Variants in TRAPPC9 observed in about 807,000 individuals in gnomAD.
TRAPPC9 encodes IKK2 binding protein.
TRAPPC9 carries 83 observed loss-of-function variants against 124.0 expected under a neutral mutation model. The ratio of observed to expected loss-of-function variants is 0.67; its 90% CI spans 0.56 to 0.80. The LOEUF (loss-of-function observed/expected upper bound fraction) is 0.80, where lower values mean the gene tolerates loss of function less well. Ranked by LOEUF, TRAPPC9 falls within the 30% of genes least tolerant of loss-of-function variation. The probability of loss-of-function intolerance (pLI) is 0.00; values close to 1 mark genes in which losing one functional copy is unlikely to be tolerated. For missense variants in TRAPPC9, 1,302 were observed against 1,508.3 expected, an observed-to-expected ratio of 0.86 and a Z score of 2.27; for synonymous variants, 638 against 617.5, an observed-to-expected ratio of 1.03 and a Z score of -0.49.
At chr8:140,316,218 T>C (rs181254349) in intron 9 of TRAPPC9, among the ~76,000 whole-genome samples, 2 of 152,276 alleles carry the variant, frequency 1.3e-5, no homozygotes, top group East Asian at 3.9e-4. Context: ...GGGAATTAAC[T>C]ACAGACTGAA....
At chr8:139,946,823 T>TAA (rs200035828) in intron 19 of TRAPPC9, among the ~76,000 whole-genome samples, 3 of 98,706 alleles carry the variant, frequency 3.0e-5, no homozygotes, top group African/African-American at 1.7e-4. Flanking sequence ...TGCTAAAAAT[T>TAA]TAAAAAAAAA....
chr8:140,344,842 G>A (rs759920277), intron 9 of TRAPPC9, among the ~76,000 whole-genome samples: 1 of 152,274 alleles, frequency 6.6e-6, no homozygotes, highest in Non-Finnish European at 1.5e-5. Flanking sequence ...TTCCTGATAC[G>A]TGTCCTGGGA....
chr8:140,144,445 T>C (rs927379338), intron 17 of TRAPPC9, among the ~76,000 whole-genome samples: 4 of 150,186 alleles, frequency 2.7e-5, no homozygotes, highest in South Asian at 2.1e-4. Context: ...TGTTGGCTAA[T>C]GAATGAGACT....
At position 140,192,852 on chromosome 8, in the gene TRAPPC9, A is replaced by G. The variant is rs563958993; in HGVS notation, c.2556+28607T>C. ...GAGTGCAGTGGCACAATCTTGGCTC[A>G]CTGCAACCTCCACCTCCCAGGTACA... On this transcript the variant is annotated intron_variant, in intron 17 of 22. Coordinates refer to ENST00000438773, the MANE Select transcript of TRAPPC9 (RefSeq NM_001160372.4). Among the ~76,000 whole-genome samples the G allele has an allele frequency of 2.6e-5, 4 of 152,286 alleles. No individual in the cohort carries two copies. The South Asian group carries it at 6.2e-4, about 24-fold the overall frequency.
At position 140,355,960 on chromosome 8, in the gene TRAPPC9, G is replaced by A. The variant is rs182471827; in HGVS notation, c.1495+4090C>T. ...TACAACTATCACAATAGGCTTAGAA[G>A]TGAACAAAGCTTAAAAATATAAACA... On this transcript the variant is annotated intron_variant, in intron 9 of 22. Coordinates refer to ENST00000438773, the MANE Select transcript of TRAPPC9 (RefSeq NM_001160372.4). Among the ~76,000 whole-genome samples the A allele has an allele frequency of 4.7e-3, 718 of 152,342 alleles. 15 individuals are homozygous for A. Among genetic ancestry groups the A allele is most frequent in the Non-Finnish European group, 3.1e-3 (211 of 68,030 alleles).
chr8:140,213,201 G>A (rs1044106643), intron 17 of TRAPPC9, among the ~76,000 whole-genome samples: 2 of 151,700 alleles, frequency 1.3e-5, no homozygotes, highest in African/African-American at 4.8e-5. Flanking sequence ...ATATGGGAAG[G>A]TTTTAACAAA....
chr8:140,278,303 G>A (rs1220234696), intron 14 of TRAPPC9, among the ~76,000 whole-genome samples: 2 of 151,994 alleles, frequency 1.3e-5, no homozygotes. Flanking sequence ...ATGGGATTTG[G>A]CCATGTTGGC....
intron 21 of TRAPPC9, among the ~76,000 whole-genome samples, chr8:139,768,379 TG>T (rs1820720336): frequency 6.6e-6 from 1 of 152,160 alleles, no homozygotes; most frequent in African/African-American, 2.4e-5. Context: ...GTCAGGGAAC[TG>T]GGGGCACGGG....
intron 8 of TRAPPC9, among the ~76,000 whole-genome samples, chr8:140,367,595 A>T (rs1209062208): frequency 6.6e-6 from 1 of 152,206 alleles, no homozygotes; most frequent in Non-Finnish European, 1.5e-5. Context: ...ATGAGGAGAC[A>T]GAGCACAAAG....
intron 15 of TRAPPC9, among the ~76,000 whole-genome samples, chr8:140,266,368 C>A (rs1479285162): frequency 2.0e-5 from 3 of 151,316 alleles, no homozygotes; most frequent in Admixed American, 1.3e-4. Flanking sequence ...AACGCTAAGG[C>A]AGGAGAATCG....
intron 5 of TRAPPC9, among the ~76,000 whole-genome samples, chr8:140,415,198 A>G (rs2069873850): frequency 6.7e-6 from 1 of 149,584 alleles, no homozygotes; most frequent in Admixed American, 6.7e-5. Flanking sequence ...AACAGAGTAG[A>G]ACCTTGTCTA....
At chr8:140,269,830 C>T (rs994814478) in intron 15 of TRAPPC9, among the ~76,000 whole-genome samples, 3 of 151,764 alleles carry the variant, frequency 2.0e-5, no homozygotes, top group Admixed American at 1.3e-4. Context: ...CGGGCACGGT[C>T]GCTCGTGCCT....
chr8:139,761,817 G>T (rs963336259), intron 21 of TRAPPC9, among the ~76,000 whole-genome samples: 1 of 151,518 alleles, frequency 6.6e-6, no homozygotes, highest in East Asian at 2.0e-4. Context: ...CACACCCTGC[G>T]TATTTCTCAA....
chr8:140,344,154 T>C (rs4736175), intron 9 of TRAPPC9, among the ~76,000 whole-genome samples: 98,360 of 151,924 alleles, frequency 0.65, 32,445 homozygotes, highest in African/African-American at 0.79. Flanking sequence ...GTAAAGGAGA[T>C]CCCAGAGAGC....
intron 10 of TRAPPC9, among the ~76,000 whole-genome samples, chr8:140,300,993 A>G (rs1209359565): frequency 6.6e-6 from 1 of 152,152 alleles, no homozygotes; most frequent in East Asian, 1.9e-4. Context: ...TATAAAGTGC[A>G]GGTGGGGCCA....
At chr8:140,026,223 G>A (rs1404309400) in intron 17 of TRAPPC9, among the ~76,000 whole-genome samples, 1 of 152,114 alleles carries the variant, frequency 6.6e-6, no homozygotes, top group South Asian at 2.1e-4. Context: ...TGTATGTACT[G>A]TGTCTTACTC....
chr8:140,229,250 T>A (rs1463369473), intron 16 of TRAPPC9, among the ~76,000 whole-genome samples: 1 of 68,200 alleles, frequency 1.5e-5, no homozygotes, highest in Admixed American at 2.5e-4. Context: ...GTTTTCTTTT[T>A]CTTTTTTTTT....
chr8:140,257,025 T>C lies in TRAPPC9; in HGVS notation c.2279-4096A>G, dbSNP rs752582280. 1.3e-5 allele frequency among the ~76,000 whole-genome samples: 2 copies of C among 152,142 alleles called. No individual in the cohort carries two copies. Among genetic ancestry groups the C allele is most frequent in the Non-Finnish European group, 2.9e-5 (2 of 68,020 alleles). On this transcript the variant is annotated intron_variant, in intron 15 of 22. Coordinates refer to ENST00000438773, the MANE Select transcript of TRAPPC9 (RefSeq NM_001160372.4). This position sits in a 1 kb window ranked among gnomAD's most constrained non-coding sequence, Gnocchi z 4.6. ...AGAACAGTCCCAGTAAGTGTTCAGG[T>C]GTCTGAGCTCTCCCTCTGTGCCAGG...
intron 17 of TRAPPC9, 150 bp from the exon 18 acceptor site, chr8:140,024,229 G>T: frequency 3.0e-6 from 3 of 1,012,004 alleles, no homozygotes; most frequent in Non-Finnish European, 4.4e-6. Flanking sequence ...CAACCCCGGC[G>T]GGTACCGACT....
Sources: allele counts gnomAD v4.1 joint callset (sites outside exome capture counted in the v4.1 genomes callset), GRCh38; gene constraint gnomAD v4.1.1; non-coding constraint Gnocchi (gnomAD v3.1); transcripts MANE v1.5; gene names NCBI Gene and HGNC (gene_info 2026-07-23, HGNC 2026-07-21).